The following TBC1D5 variants were observed in gnomAD, a reference collection of about 807,000 sequenced individuals.
TBC1D5 encodes TBC1 domain family, member 5.
A neutral mutation model predicts 100.3 loss-of-function variants in TBC1D5; 75 were observed. That is an observed-to-expected ratio of 0.75 (90% CI 0.62 to 0.91). TBC1D5 has a LOEUF of 0.91. Among genes scored for constraint, TBC1D5 ranks in the 40% least tolerant of loss-of-function variants. TBC1D5 has a pLI of 0.00. For missense variants in TBC1D5, 910 were observed against 942.4 expected (o/e 0.97, Z 0.45); for synonymous variants, 323 against 325.6 (o/e 0.99, Z 0.09).
At position 17,302,144 on chromosome 3, in the gene TBC1D5, A is replaced by G. The variant is rs541426189; in HGVS notation, c.1138+5848T>C. ...CTCTCCTGCTTCTGGTGTTAGCAGC[A>G]TGTTTCTTCTGAAGAGGAAAAATTT... On this transcript the variant is annotated intron_variant, in intron 14 of 21. Coordinates refer to ENST00000253692, the Ensembl canonical transcript of TBC1D5. Among the ~76,000 whole-genome samples, 3 of 152,278 alleles carry G rather than the reference A, an allele frequency of 2.0e-5. No homozygotes were observed. In the East Asian group the frequency reaches 5.8e-4, roughly 29 times the overall value.
At chr3:17,208,067 C>T (rs1006169738) in intron 18 of TBC1D5, among the ~76,000 whole-genome samples, 1 of 152,142 alleles carries the variant, frequency 6.6e-6, no homozygotes, top group Non-Finnish European at 1.5e-5. Flanking sequence ...TATGGAATAT[C>T]GCTGTATCAC....
chr3:17,251,829 A>C (rs1234140453), intron 16 of TBC1D5, among the ~76,000 whole-genome samples: 1 of 152,196 alleles, frequency 6.6e-6, no homozygotes, highest in East Asian at 1.9e-4. Flanking sequence ...TTTAACACTA[A>C]AATCTTATTC....
intron 2 of TBC1D5, among the ~76,000 whole-genome samples, chr3:17,522,771 AT>A (rs2045795612): frequency 6.6e-6 from 1 of 152,174 alleles, no homozygotes; most frequent in South Asian, 2.1e-4. Flanking sequence ...CCAAAATTTC[AT>A]TGAGTACCGT....
At chr3:17,467,669 G>A (rs2095323672) in intron 3 of TBC1D5, among the ~76,000 whole-genome samples, 1 of 152,040 alleles carries the variant, frequency 6.6e-6, no homozygotes, top group African/African-American at 2.4e-5. Flanking sequence ...GAGGCCAGGA[G>A]TTTCAGACCA....
At chr3:17,665,532 T>C (rs1179078024) in intron 1 of TBC1D5, among the ~76,000 whole-genome samples, 2 of 152,222 alleles carry the variant, frequency 1.3e-5, no homozygotes, top group Admixed American at 6.5e-5. Flanking sequence ...AGTTTCTTAA[T>C]ACACTATAAG....
intron 15 of TBC1D5, among the ~76,000 whole-genome samples, chr3:17,280,875 A>C (rs2080509817): frequency 6.6e-6 from 1 of 152,048 alleles, no homozygotes; most frequent in Admixed American, 6.5e-5. Context: ...TGACTGTAAC[A>C]CTCCTTCTGG....
At chr3:17,581,313 G>T (rs553987123) in intron 2 of TBC1D5, among the ~76,000 whole-genome samples, 6 of 152,222 alleles carry the variant, frequency 3.9e-5, no homozygotes, top group African/African-American at 1.2e-4. Context: ...TATGAAAATG[G>T]ACTAATATAT....
At chr3:17,535,942 C>T (rs1277685089) in intron 2 of TBC1D5, among the ~76,000 whole-genome samples, 1 of 152,068 alleles carries the variant, frequency 6.6e-6, no homozygotes, top group Non-Finnish European at 1.5e-5. Flanking sequence ...CAATAATCCC[C>T]ACATTTAAAG....
intron 2 of TBC1D5, among the ~76,000 whole-genome samples, chr3:17,612,105 G>T (rs1038423283): frequency 4.6e-5 from 7 of 151,988 alleles, no homozygotes; most frequent in Non-Finnish European, 1.0e-4. Context: ...TAGGAGACCA[G>T]CCTGGGTAAC....
chr3:17,550,717 G>C (rs2096465196), intron 2 of TBC1D5, among the ~76,000 whole-genome samples: 1 of 152,036 alleles, frequency 6.6e-6, no homozygotes, highest in Non-Finnish European at 1.5e-5. Context: ...TATATGTTTA[G>C]TTCTTGGGGC....
At chr3:17,315,992 G>A (rs2084652257) in intron 13 of TBC1D5, among the ~76,000 whole-genome samples, 1 of 152,184 alleles carries the variant, frequency 6.6e-6, no homozygotes, top group African/African-American at 2.4e-5. Flanking sequence ...GAAGCAGAAA[G>A]TAGGGCAAAA....
At chr3:17,731,571 T>A (rs577259573) in intron 1 of TBC1D5, among the ~76,000 whole-genome samples, 2 of 151,352 alleles carry the variant, frequency 1.3e-5, no homozygotes, top group Admixed American at 6.6e-5. Context: ...TATCAGGTTT[T>A]AAGCCACAGA....
At chr3:17,708,195 T>C (rs1312560896) in intron 1 of TBC1D5, among the ~76,000 whole-genome samples, 1 of 152,224 alleles carries the variant, frequency 6.6e-6, no homozygotes, top group Non-Finnish European at 1.5e-5. Context: ...ATGTGTTTCA[T>C]ATATTTTTTC....
chr3:17,397,207 C>T (rs542006229), intron 8 of TBC1D5, among the ~76,000 whole-genome samples: 1 of 152,006 alleles, frequency 6.6e-6, no homozygotes, highest in South Asian at 2.1e-4. Context: ...ATTAATGAAT[C>T]CAGAAAATAT....
At chr3:17,696,928 T>A (rs933343071) in intron 1 of TBC1D5, among the ~76,000 whole-genome samples, 3 of 152,182 alleles carry the variant, frequency 2.0e-5, no homozygotes, top group African/African-American at 7.2e-5. Flanking sequence ...GCTTCACCCC[T>A]GGGATGCAAG....
intron 2 of TBC1D5, among the ~76,000 whole-genome samples, chr3:17,535,774 C>A (rs1300401273): frequency 6.6e-6 from 1 of 152,076 alleles, no homozygotes; most frequent in Non-Finnish European, 1.5e-5. Flanking sequence ...AGTGCTCTAT[C>A]TCTCACTATT....
chr3:17,732,826 T>G (rs891059847), intron 1 of TBC1D5, among the ~76,000 whole-genome samples: 3 of 152,174 alleles, frequency 2.0e-5, no homozygotes, highest in Non-Finnish European at 2.9e-5. Context: ...TTCTTCCATA[T>G]CAGTAGTTTC....
At chr3:17,453,623 C>T (rs1249006494) in intron 3 of TBC1D5, among the ~76,000 whole-genome samples, 2 of 152,084 alleles carry the variant, frequency 1.3e-5, no homozygotes, top group Non-Finnish European at 2.9e-5. Flanking sequence ...AAAACCTGAA[C>T]AGACCAATAA....
At chr3:17,714,887 C>G (rs2075088102) in intron 1 of TBC1D5, among the ~76,000 whole-genome samples, 1 of 152,142 alleles carries the variant, frequency 6.6e-6, no homozygotes, top group African/African-American at 2.4e-5. Flanking sequence ...TGTTGATCCC[C>G]ATTACATTAC....
Sources: gnomAD v4.1 joint callset for allele counts (sites outside exome capture counted in the v4.1 genomes callset) on GRCh38, gnomAD v4.1.1 for gene constraint, MANE v1.5 for transcripts, NCBI Gene and HGNC (gene_info 2026-07-23, HGNC 2026-07-21) for gene names.